NRXN1: variants seen among roughly 807,000 people sequenced by gnomAD.
The protein encoded by NRXN1 is neurexin 1, also known as neurexin-1.
Under a neutral mutation model 150.9 loss-of-function variants are expected in NRXN1, and 39 were observed. That is an observed-to-expected ratio of 0.26 (90% confidence interval 0.20 to 0.34). The LOEUF (loss-of-function observed/expected upper bound fraction) is 0.34. NRXN1 is among the 10% of genes least tolerant of loss of function. The pLI is 1.00. For synonymous variants in NRXN1, 924 were observed against 757.0 expected (o/e 1.22, Z -3.62); for missense variants, 1,815 against 1,949.9 (o/e 0.93, Z 1.30).
chr2:49,921,398 G>A lies in NRXN1; in HGVS notation c.*546C>T, dbSNP rs1347888199. 1.3e-5 allele frequency: 2 copies of A among 152,672 alleles called. No homozygotes were observed. Among genetic ancestry groups the A allele is most frequent in the Non-Finnish European group, 2.9e-5 (2 of 68,130 alleles). The allele number at this position is 152,672 out of a possible 1,614,324, so 9.5% of individuals were successfully genotyped here. ...TGTTCCTACACAAGTCTTCAAAAAA[G>A]CCAGCACTTTGTTTCAAATGCAAGT... is the stretch of plus-strand genomic sequence containing the variant. On this transcript the variant is annotated 3_prime_UTR_variant, in exon 23 of 23. Transcript: ENST00000401669.
At chr2:50,320,635 A>G (rs2152973887) in intron 17 of NRXN1, among the ~76,000 whole-genome samples, 1 of 151,960 alleles carries the variant, frequency 6.6e-6, no homozygotes, top group East Asian at 2.0e-4. Flanking sequence ...TGATGAATGG[A>G]CAGGAGCTAA....
chr2:50,903,775 T>C (rs918670953), intron 5 of NRXN1, among the ~76,000 whole-genome samples: 7 of 152,206 alleles, frequency 4.6e-5, no homozygotes, highest in Non-Finnish European at 7.3e-5. Context: ...CAGAGCTGAA[T>C]GGCTCAAAGG....
At chr2:50,867,546 C>A (rs1221374164) in intron 5 of NRXN1, among the ~76,000 whole-genome samples, 2 of 151,740 alleles carry the variant, frequency 1.3e-5, no homozygotes, top group Admixed American at 6.6e-5. Flanking sequence ...CAAGTTCAAT[C>A]GACCAGAATG....
intron 5 of NRXN1, among the ~76,000 whole-genome samples, chr2:50,710,398 G>T (rs765980903): frequency 3.3e-5 from 5 of 152,026 alleles, no homozygotes; most frequent in African/African-American, 4.8e-5. Flanking sequence ...CATTTGTGAG[G>T]CACCCCTAAC....
At chr2:50,441,641 G>A (rs981185207) in intron 17 of NRXN1, among the ~76,000 whole-genome samples, 2 of 152,226 alleles carry the variant, frequency 1.3e-5, no homozygotes, top group African/African-American at 2.4e-5. Flanking sequence ...CAAATCGTCT[G>A]TATAACTTGT....
chr2:50,873,451 G>A (rs554025412), intron 5 of NRXN1, among the ~76,000 whole-genome samples: 2 of 151,680 alleles, frequency 1.3e-5, no homozygotes, highest in Admixed American at 1.3e-4. Context: ...CATTTCTATG[G>A]ATTAATTTAA....
intron 15 of NRXN1, among the ~76,000 whole-genome samples, chr2:50,486,166 T>C (rs1418563275): frequency 6.6e-6 from 1 of 152,164 alleles, no homozygotes; most frequent in African/African-American, 2.4e-5. Flanking sequence ...TTGACCACAT[T>C]AGGACATCAT....
intron 21 of NRXN1, among the ~76,000 whole-genome samples, chr2:49,951,207 G>C (rs570193613): frequency 6.6e-6 from 1 of 151,666 alleles, no homozygotes; most frequent in South Asian, 2.1e-4. Flanking sequence ...ATTAAGTTAT[G>C]GGGAAAAGAA....
intron 18 of NRXN1, among the ~76,000 whole-genome samples, chr2:50,226,373 G>A (rs1048730876): frequency 1.3e-5 from 2 of 151,926 alleles, no homozygotes; most frequent in Admixed American, 6.6e-5. Flanking sequence ...TGTGCCAGTA[G>A]AATAATGATT....
intron 17 of NRXN1, among the ~76,000 whole-genome samples, chr2:50,407,635 T>C (rs1342499327): frequency 6.6e-6 from 1 of 151,440 alleles, no homozygotes; most frequent in South Asian, 2.1e-4. Context: ...ATCATGGGAG[T>C]GGGGGTGGTA....
chr2:50,141,210 G>C (rs964988358), intron 18 of NRXN1, among the ~76,000 whole-genome samples: 9 of 151,872 alleles, frequency 5.9e-5, no homozygotes, highest in Non-Finnish European at 1.2e-4. Flanking sequence ...ACCTAGAGAA[G>C]GCAAGGTTTA....
At chr2:50,564,055 A>C (rs1350516927) in intron 8 of NRXN1, among the ~76,000 whole-genome samples, 1 of 152,216 alleles carries the variant, frequency 6.6e-6, no homozygotes, top group East Asian at 1.9e-4. Context: ...TTTGATAAAA[A>C]CAATGTGTTA....
At chr2:50,639,682 CCTT>C (rs1163941345) in intron 5 of NRXN1, among the ~76,000 whole-genome samples, 8 of 151,954 alleles carry the variant, frequency 5.3e-5, no homozygotes, top group Non-Finnish European at 1.0e-4. Flanking sequence ...TTTTATAACT[CCTT>C]GAGAAAATAT....
intron 5 of NRXN1, among the ~76,000 whole-genome samples, chr2:50,700,222 T>G (rs1469579084): frequency 6.6e-6 from 1 of 152,182 alleles, no homozygotes; most frequent in African/African-American, 2.4e-5. Flanking sequence ...GTTAGTAGTG[T>G]CAAATGAGAT....
chr2:50,976,805 G>C (rs1375385988), intron 2 of NRXN1, among the ~76,000 whole-genome samples: 1 of 151,826 alleles, frequency 6.6e-6, no homozygotes, highest in Non-Finnish European at 1.5e-5. Context: ...AAAAATCATC[G>C]ATTAAATAAC....
chr2:50,037,479 T>G (rs938206652), intron 21 of NRXN1, among the ~76,000 whole-genome samples: 5 of 152,204 alleles, frequency 3.3e-5, no homozygotes, highest in Non-Finnish European at 7.3e-5. Context: ...AAATTATACC[T>G]GGTTTTTCAT....
In NRXN1 at chr2:50,346,807, G is replaced by A. The variant is rs771136690; in HGVS notation, c.3365-109837C>T. The A allele has an allele frequency of 1.9e-6, 3 of 1,612,974 alleles. No individual in the cohort carries two copies. Among genetic ancestry groups the A allele is most frequent in the Non-Finnish European group, 2.5e-6 (3 of 1,179,788 alleles). On this transcript the variant is annotated intron_variant, in intron 17 of 22. Coordinates refer to ENST00000401669, the MANE Select transcript of NRXN1 (RefSeq NM_001330078.2). This position sits in a 1 kb window ranked among gnomAD's most constrained non-coding sequence, Gnocchi z 5.0. ...CGCTCCCAAACTGGATGCCCCCCAC[G>A]CCACTCCTAGGAGGCCGCTGAGGGT... is the stretch of plus-strand genomic sequence containing the variant.
At chr2:50,000,737 T>A (rs1283277161) in intron 21 of NRXN1, among the ~76,000 whole-genome samples, 1 of 152,166 alleles carries the variant, frequency 6.6e-6, no homozygotes, top group Non-Finnish European at 1.5e-5. Context: ...ACAAAGGGTA[T>A]CTGGATCTGC....
intron 18 of NRXN1, among the ~76,000 whole-genome samples, chr2:50,112,643 G>A (rs1702530108): frequency 6.6e-6 from 1 of 152,304 alleles, no homozygotes; most frequent in Non-Finnish European, 1.5e-5. Context: ...CTGTTTCATG[G>A]CTTTGGTATG....
Sources: allele counts gnomAD v4.1 joint callset (sites outside exome capture counted in the v4.1 genomes callset), GRCh38; gene constraint gnomAD v4.1.1; non-coding constraint Gnocchi (gnomAD v3.1); transcripts MANE v1.5; gene names NCBI Gene and HGNC (gene_info 2026-07-23, HGNC 2026-07-21).